LRCH2: variants seen among roughly 807,000 people sequenced by gnomAD.
The protein encoded by LRCH2 is leucine-rich repeat and calponin homology domain-containing protein 2.
A neutral mutation model predicts 68.9 loss-of-function variants in LRCH2; 38 were observed. The ratio of observed to expected loss-of-function variants is 0.55; its 90% CI spans 0.43 to 0.72. The LOEUF is 0.72. LRCH2 is among the 30% of genes least tolerant of loss of function. The probability of loss-of-function intolerance (pLI) is 0.00; values close to 1 mark genes in which losing one functional copy is unlikely to be tolerated. For missense variants in LRCH2, 528 were observed against 572.9 expected, an observed-to-expected ratio of 0.92 and a Z score of 0.80; for synonymous variants, 191 against 208.1, an observed-to-expected ratio of 0.92 and a Z score of 0.71.
At chrX:115,227,673 T>C (rs2073128051) in intron 1 of LRCH2, among the ~76,000 whole-genome samples, 1 of 106,632 alleles carries the variant, frequency 9.4e-6, no homozygotes, top group African/African-American at 3.4e-5. Context: ...AGTGAAAAAC[T>C]CTAGACTATA....
In LRCH2 at chrX:115,170,363, T is replaced by C. The variant is rs1474793397; in HGVS notation, c.934A>G (p.Lys312Glu). ...NIQACCRMDKKPDSLDLPSLS... is the reference protein window; with the variant it reads ...NIQACCRMDKEPDSLDLPSLS... ...GATGGAAGATCCAGGGAATCTGGTT[T>C]CTTATCCATTCTGCAACATGCTTGA... The change falls in exon 6 of 21, where the codon AAA becomes GAA. Residue 312 changes from lysine to glutamate, a missense_variant. Lys to Glu is a moderately conservative substitution (Grantham distance 56). Transcript: ENST00000317135. 2.5e-6 allele frequency: 3 copies of C among 1,180,097 alleles called. No individual in the cohort carries two copies. The highest frequency in any genetic ancestry group is 2.3e-6 in the Non-Finnish European group (2 of 878,889).
intron 16 of LRCH2, among the ~76,000 whole-genome samples, chrX:115,125,927 A>G (rs1231677424): frequency 9.1e-6 from 1 of 109,687 alleles, no homozygotes; most frequent in Non-Finnish European, 1.9e-5. Context: ...TTATAAAATT[A>G]ATGTCCAAAT....
chrX:115,210,261 G>A (rs1466230946), intron 1 of LRCH2, among the ~76,000 whole-genome samples: 1 of 111,090 alleles, frequency 9.0e-6, no homozygotes, highest in African/African-American at 3.3e-5. Flanking sequence ...AAATGGTTTC[G>A]TGGGCCAGTC....
intron 1 of LRCH2, among the ~76,000 whole-genome samples, chrX:115,193,136 C>A (rs1448941657): frequency 1.8e-5 from 2 of 110,956 alleles, no homozygotes; most frequent in Non-Finnish European, 3.8e-5. Flanking sequence ...AACCAAACAA[C>A]CAGCAACAAC....
intron 1 of LRCH2, chrX:115,192,445 A>G (rs1556561337): frequency 1.7e-6 from 2 of 1,167,472 alleles, no homozygotes; most frequent in African/African-American, 1.8e-5. Flanking sequence ...CGACAGATCC[A>G]GCAACAGTTA....
chrX:115,227,684 C>T (rs1360726981), intron 1 of LRCH2, among the ~76,000 whole-genome samples: 2 of 106,428 alleles, frequency 1.9e-5, no homozygotes, highest in African/African-American at 6.9e-5. Flanking sequence ...CTAGACTATA[C>T]ATACTAGATT....
At chrX:115,159,181 G>C (rs1323122839) in intron 11 of LRCH2, among the ~76,000 whole-genome samples, 4 of 110,729 alleles carry the variant, frequency 3.6e-5, no homozygotes, top group Non-Finnish European at 7.6e-5. Context: ...AAATTTTTAA[G>C]TATACAATAC....
chrX:115,130,080 C>T, intron 15 of LRCH2, 75 bp downstream of exon 15: 2 of 534,142 alleles, frequency 3.7e-6, no homozygotes, highest in Non-Finnish European at 5.8e-6. Flanking sequence ...AAATGGATTA[C>T]ATTTTACTCT....
At chrX:115,171,836 T>C (rs1404971422) in intron 5 of LRCH2, among the ~76,000 whole-genome samples, 1 of 109,046 alleles carries the variant, frequency 9.2e-6, no homozygotes, top group African/African-American at 3.3e-5. Context: ...CACACCACCA[T>C]GCCCGGCTAA....
At chrX:115,173,770 G>A (rs782478736) in intron 5 of LRCH2, among the ~76,000 whole-genome samples, 334 of 111,312 alleles carry the variant, frequency 3.0e-3, no homozygotes, top group Middle Eastern at 4.7e-3. Flanking sequence ...TTCCACCTCT[G>A]CCACTCCTGA....
At chrX:115,191,674 G>C (rs1556559821) in intron 1 of LRCH2, 2 of 1,164,922 alleles carry the variant, frequency 1.7e-6, no homozygotes, top group East Asian at 6.5e-5. Flanking sequence ...TGGAGGAGGA[G>C]GTCGCTCACT....
rs1297809307 is a variant in LRCH2, at chrX:115,222,742, C to T, written c.349+10951G>A. ...CATCCCCTATTCATGGATTGGACAACTTAATATTGATAAGATGGCAAAATT... is the reference window on the plus strand; with the variant it reads ...CATCCCCTATTCATGGATTGGACAATTTAATATTGATAAGATGGCAAAATT... On this transcript the variant is annotated intron_variant, in intron 1 of 20. Coordinates refer to ENST00000317135, the MANE Select transcript of LRCH2 (RefSeq NM_020871.4). Among the ~76,000 whole-genome samples the T allele has an allele frequency of 2.7e-5, 3 of 111,881 alleles. No homozygotes were observed. In the East Asian group the frequency reaches 8.4e-4, roughly 31 times the overall value.
rs1274032083 is a variant in LRCH2 at position 115,190,609 on chromosome X, G to A, written c.350-2239C>T. The A allele has an allele frequency of 4.4e-5, 51 of 1,158,655 alleles. No individual in the cohort carries two copies. The highest frequency in any genetic ancestry group is 5.7e-5 in the South Asian group (3 of 52,342). On this transcript the variant is annotated intron_variant, in intron 1 of 20. Transcript: ENST00000317135. ...CCGCTACGGAGAAGAAGGCTGCTAC[G>A]AGGAGTACAGAGGCCGCTCGCCCGA...
At chrX:115,192,700 C>T (rs1306183036) in intron 1 of LRCH2, 7 of 1,102,669 alleles carry the variant, frequency 6.3e-6, no homozygotes, top group Non-Finnish European at 7.3e-6. Context: ...AAAGAAGAAC[C>T]TGTTCTATGT....
At chrX:115,140,797 T>C (rs923522757) in intron 14 of LRCH2, among the ~76,000 whole-genome samples, 1 of 111,136 alleles carries the variant, frequency 9.0e-6, no homozygotes, top group Non-Finnish European at 1.9e-5. Flanking sequence ...CTTTGTATTG[T>C]GGTGTGAGTG....
chrX:115,221,033 T>G (rs1603102928), intron 1 of LRCH2, among the ~76,000 whole-genome samples: 1 of 105,870 alleles, frequency 9.4e-6, no homozygotes, highest in Non-Finnish European at 1.9e-5. Flanking sequence ...AAAAATTAGC[T>G]GGGCGTGGTG....
At chrX:115,119,896 C>T (rs1305654319) in intron 20 of LRCH2, among the ~76,000 whole-genome samples, 2 of 110,375 alleles carry the variant, frequency 1.8e-5, no homozygotes, top group Non-Finnish European at 3.8e-5. Context: ...CTTTGACAGA[C>T]CTGAGAAAAA....
At chrX:115,226,708 A>G (rs1876061955) in intron 1 of LRCH2, among the ~76,000 whole-genome samples, 2 of 111,530 alleles carry the variant, frequency 1.8e-5, no homozygotes, top group Non-Finnish European at 3.8e-5. Flanking sequence ...AGAGTGGAGA[A>G]TAACTCCCAA....
At chrX:115,133,946 G>C (rs180744423) in intron 14 of LRCH2, among the ~76,000 whole-genome samples, 35 of 112,421 alleles carry the variant, frequency 3.1e-4, no homozygotes, top group African/African-American at 1.0e-3. Context: ...AGCAGAGATA[G>C]GGTGAAGCTA....
Sources: allele counts gnomAD v4.1 joint callset (sites outside exome capture counted in the v4.1 genomes callset), GRCh38; gene constraint gnomAD v4.1.1; transcripts MANE v1.5; gene names NCBI Gene and HGNC (gene_info 2026-07-23, HGNC 2026-07-21).